PARD3B: variants seen among roughly 807,000 people sequenced by gnomAD.
PARD3B encodes par-3 family cell polarity regulator beta, also known as partitioning defective 3 homolog B.
A neutral mutation model predicts 130.2 loss-of-function variants in PARD3B; 103 were observed. That is an observed-to-expected ratio of 0.79 (90% CI 0.67 to 0.93). The LOEUF (loss-of-function observed/expected upper bound fraction) is 0.93, where lower values mean the gene tolerates loss of function less well. Among genes scored for constraint, PARD3B ranks in the 40% least tolerant of loss-of-function variants. PARD3B has a pLI of 0.00. For synonymous variants in PARD3B, 583 were observed against 553.2 expected (o/e 1.05, Z -0.76); for missense variants, 1,609 against 1,499.2 (o/e 1.07, Z -1.21).
Position 204,746,278 on chromosome 2 carries a change from A to G in PARD3B, c.222+59996A>G, listed in dbSNP as rs188112497. Among the ~76,000 whole-genome samples the G allele has an allele frequency of 5.9e-4, 90 of 151,882 alleles. 1 individual carries two copies. The highest frequency in any genetic ancestry group is 5.4e-3 in the Admixed American group (83 of 15,250). ...TAGTTTGCTGAGAATGATGGTTTCC[A>G]GCTTCATCCATGTCCCTACAAAGGA... is the stretch of plus-strand genomic sequence containing the variant. On this transcript the variant is annotated intron_variant, in intron 2 of 22. Transcript: ENST00000406610.
At chr2:205,162,772 A>G (rs1475563869) in intron 11 of PARD3B, among the ~76,000 whole-genome samples, 1 of 152,196 alleles carries the variant, frequency 6.6e-6, no homozygotes, top group Non-Finnish European at 1.5e-5. Context: ...CCACATCAAA[A>G]TGTCCCTAAA....
rs1238321002 is a variant in PARD3B, at chr2:205,437,164, A to G, written c.2742-3206A>G. ...CACTCCGCCTTTAGGGCTGAGTCCA[A>G]GTTTCATAGCAAGGCATGAGATTAT... is the stretch of plus-strand genomic sequence containing the variant. On this transcript the variant is annotated intron_variant, in intron 19 of 22. Transcript: ENST00000406610. Among the ~76,000 whole-genome samples, 11 of 152,170 alleles carry G rather than the reference A, an allele frequency of 7.2e-5. 1 individual carries two copies. The South Asian group carries it at 2.3e-3, about 32-fold the overall frequency.
At chr2:205,414,942 T>G (rs2106068000) in intron 19 of PARD3B, among the ~76,000 whole-genome samples, 1 of 152,100 alleles carries the variant, frequency 6.6e-6, no homozygotes, top group East Asian at 1.9e-4. Flanking sequence ...TTGACTTTGT[T>G]TTAAAAAAAA....
intron 2 of PARD3B, among the ~76,000 whole-genome samples, chr2:204,824,375 C>T (rs1321287624): frequency 1.3e-5 from 2 of 152,156 alleles, no homozygotes; most frequent in Admixed American, 1.3e-4. Context: ...TAAGGTAGCC[C>T]TTTCTCCATC....
At position 204,678,444 on chromosome 2, in the gene PARD3B, A is replaced by ACACG. The variant is rs1398794725; in HGVS notation, c.121-7736_121-7733dup. ...TCTGGCATCCAGGAAGAATCAGGTC[A>ACACG]CACGGACTTGAAGGATGTTGAATGC... is the stretch of plus-strand genomic sequence containing the variant. On this transcript the variant is annotated intron_variant, in intron 1 of 22. Coordinates refer to ENST00000406610, the MANE Select transcript of PARD3B (RefSeq NM_001302769.2). This position sits in a 1 kb window ranked among gnomAD's most constrained non-coding sequence, Gnocchi z 4.2. Among the ~76,000 whole-genome samples, 3 of 152,144 alleles carry ACACG rather than the reference A, an allele frequency of 2.0e-5. No individual in the cohort carries two copies. The highest frequency in any genetic ancestry group is 4.4e-5 in the Non-Finnish European group (3 of 68,042).
intron 2 of PARD3B, among the ~76,000 whole-genome samples, chr2:204,838,349 ATGTGTGTG>A (rs55688873): frequency 0.098 from 13,204 of 135,314 alleles, 757 homozygotes; most frequent in African/African-American, 0.16. Flanking sequence ...TACCTGGCTA[ATGTGTGTG>A]TGTGTGTGTG....
Position 205,227,925 on chromosome 2 carries a change from C to T in PARD3B, c.2141-17853C>T, listed in dbSNP as rs1192414069. ...ATAACCCACTATTTTAAACTGATGA[C>T]AACACTGACTGCATAAAGAAACAAA... is the stretch of plus-strand genomic sequence containing the variant. On this transcript the variant is annotated intron_variant, in intron 15 of 22. Transcript: ENST00000406610. Among the ~76,000 whole-genome samples, 3 of 152,188 alleles carry T rather than the reference C, an allele frequency of 2.0e-5. No homozygotes were observed. In the East Asian group the frequency reaches 5.8e-4, roughly 29 times the overall value.
chr2:205,181,498 G>A (rs1172998026), intron 13 of PARD3B, among the ~76,000 whole-genome samples: 1 of 152,180 alleles, frequency 6.6e-6, no homozygotes, highest in Non-Finnish European at 1.5e-5. Context: ...TTCAGGTTTT[G>A]GACTGTAGGT....
chr2:204,974,669 A>G (rs908631386), intron 3 of PARD3B, among the ~76,000 whole-genome samples: 1 of 152,222 alleles, frequency 6.6e-6, no homozygotes, highest in African/African-American at 2.4e-5. Flanking sequence ...TTCAGGGATA[A>G]TGTCCTTTGA....
At chr2:204,804,156 G>C (rs1289110762) in intron 2 of PARD3B, among the ~76,000 whole-genome samples, 1 of 152,160 alleles carries the variant, frequency 6.6e-6, no homozygotes, top group African/African-American at 2.4e-5. Context: ...TGAAGCCCAT[G>C]AGGTGGAGGT....
intron 1 of PARD3B, among the ~76,000 whole-genome samples, chr2:204,578,784 C>A (rs1317233511): frequency 2.0e-5 from 3 of 152,102 alleles, no homozygotes; most frequent in African/African-American, 7.2e-5. Flanking sequence ...TTCCGGAGAT[C>A]ACGGTTAAAA....
intron 3 of PARD3B, 33 bp downstream of exon 3, chr2:204,965,356 T>G: frequency 6.3e-7 from 1 of 1,591,814 alleles, no homozygotes; most frequent in Non-Finnish European, 8.6e-7. Flanking sequence ...TCTTTTCACC[T>G]GACTGAAGAT....
chr2:204,682,198 G>A (rs2036866684), intron 1 of PARD3B, among the ~76,000 whole-genome samples: 1 of 152,134 alleles, frequency 6.6e-6, no homozygotes, highest in Non-Finnish European at 1.5e-5. Flanking sequence ...TGTAGGGATA[G>A]AAATGGACCT....
At chr2:204,548,845 A>G (rs762382417) in intron 1 of PARD3B, among the ~76,000 whole-genome samples, 2 of 152,216 alleles carry the variant, frequency 1.3e-5, no homozygotes, top group Non-Finnish European at 2.9e-5. Context: ...GCAAGATCTT[A>G]GACATCCAGG....
chr2:204,756,484 C>T (rs2040680100), intron 2 of PARD3B, among the ~76,000 whole-genome samples: 1 of 152,024 alleles, frequency 6.6e-6, no homozygotes, highest in East Asian at 1.9e-4. Context: ...AGCTTATGTA[C>T]AAATCAGTGC....
intron 18 of PARD3B, among the ~76,000 whole-genome samples, chr2:205,360,355 T>TC (rs2044345029): frequency 1.3e-5 from 2 of 152,182 alleles, no homozygotes; most frequent in Admixed American, 6.5e-5. Flanking sequence ...TTTATAGTAA[T>TC]CAAGTACATC....
In PARD3B at chr2:205,440,412, A is replaced by T; in HGVS notation, c.2784A>T (p.Arg928Ser). The change falls in exon 20 of 23, where the codon AGA (arginine) becomes AGT (serine). Residue 928 changes from arginine (R) to serine (S), a missense_variant. Physicochemically the swap from Arg to Ser is moderately radical, Grantham distance 110. Transcript: ENST00000406610. This position sits in a 1 kb window ranked among gnomAD's most constrained non-coding sequence, Gnocchi z 4.2. ...AGGAGCTAAGGGAAAAGCAGGCAAGAGGTCTTCTTGATTATGCTACTGGTG... is the reference window on the plus strand; with the variant it reads ...AGGAGCTAAGGGAAAAGCAGGCAAGTGGTCTTCTTGATTATGCTACTGGTG... Reference protein sequence around the residue: ...KHQELREKQARGLLDYATGAI... With the variant: ...KHQELREKQASGLLDYATGAI... The T allele has an allele frequency of 6.2e-7, 1 of 1,614,064 alleles. No homozygotes were observed. The highest frequency in any genetic ancestry group is 8.5e-7 in the Non-Finnish European group (1 of 1,179,972).
chr2:205,434,362 T>C (rs1420191945), intron 19 of PARD3B, among the ~76,000 whole-genome samples: 3 of 152,206 alleles, frequency 2.0e-5, no homozygotes, highest in Non-Finnish European at 2.9e-5. Context: ...GTATATAGTA[T>C]AATGTCAGTA....
At chr2:205,491,296 G>T (rs2049697892) in intron 20 of PARD3B, among the ~76,000 whole-genome samples, 1 of 152,166 alleles carries the variant, frequency 6.6e-6, no homozygotes, top group Admixed American at 6.5e-5. Flanking sequence ...AAGGTGTAAG[G>T]AAGGGATCCA....
Sources: gnomAD v4.1 joint callset for allele counts (sites outside exome capture counted in the v4.1 genomes callset) on GRCh38, gnomAD v4.1.1 for gene constraint, Gnocchi (gnomAD v3.1) non-coding constraint, MANE v1.5 for transcripts, NCBI Gene and HGNC (gene_info 2026-07-23, HGNC 2026-07-21) for gene names.